The following ACBD5 variants were observed in gnomAD, a reference collection of about 807,000 sequenced individuals.
The protein encoded by ACBD5 is acyl-CoA binding domain containing 5.
A neutral mutation model predicts 71.8 loss-of-function variants in ACBD5; 40 were observed. That is an observed-to-expected ratio of 0.56 (90% confidence interval 0.43 to 0.72). The LOEUF (loss-of-function observed/expected upper bound fraction) is 0.72. ACBD5 is among the 30% of genes least tolerant of loss of function. ACBD5 has a pLI of 0.00. For missense variants in ACBD5, 559 were observed against 644.5 expected, an observed-to-expected ratio of 0.87 and a Z score of 1.44; for synonymous variants, 229 against 218.6, an observed-to-expected ratio of 1.05 and a Z score of -0.42.
upstream of ACBD5, chr10:27,240,839 G>C (rs1381170488): frequency 1.4e-5 from 17 of 1,233,618 alleles, no homozygotes; most frequent in Non-Finnish European, 1.8e-5. This position sits in a 1 kb window ranked among gnomAD's most constrained non-coding sequence, Gnocchi z 4.1. Flanking sequence ...CAGAGTCACC[G>C]GAGGACCCAC....
At chr10:27,239,706 G>A (rs1310007506) in intron 2 of ACBD5, among the ~76,000 whole-genome samples, 1 of 151,836 alleles carries the variant, frequency 6.6e-6, no homozygotes, top group Non-Finnish European at 1.5e-5. Flanking sequence ...GACCCTATGA[G>A]TGTGTGGCAT....
intron 12 of ACBD5, among the ~76,000 whole-genome samples, chr10:27,197,953 T>G (rs2059524404): frequency 6.6e-6 from 1 of 152,342 alleles, no homozygotes; most frequent in African/African-American, 2.4e-5. Context: ...TTTTAATAAA[T>G]AATTTAAATG....
chr10:27,226,187 T>C (rs1047561502), intron 4 of ACBD5, among the ~76,000 whole-genome samples: 2 of 152,182 alleles, frequency 1.3e-5, no homozygotes, highest in East Asian at 3.9e-4. Context: ...AGAGGGTACA[T>C]GTGCAGGTTT....
chr10:27,240,425 A>G lies in ACBD5; in HGVS notation c.75T>C (p.Pro25=), dbSNP rs2138617954. The change falls in exon 2 of 13, where the codon CCT becomes CCC. Residue 25 remains proline (P), a synonymous_variant. Coordinates refer to ENST00000396271, the MANE Select transcript of ACBD5 (RefSeq NM_145698.5). This position sits in a 1 kb window ranked among gnomAD's most constrained non-coding sequence, Gnocchi z 4.1. ...CCCCLIPADR[P]WDRGQHWQLE... ...GCTGCCAGTGTTGGCCCCGGTCCCA[A>G]GGTCTGTCGGCGGGAATCAGGCAGC... 1 of 1,614,054 alleles carries G rather than the reference A, an allele frequency of 6.2e-7. No homozygotes were observed.
At chr10:27,202,669 T>G (rs1191384204) in intron 12 of ACBD5, among the ~76,000 whole-genome samples, 1 of 149,054 alleles carries the variant, frequency 6.7e-6, no homozygotes, top group African/African-American at 2.5e-5. Flanking sequence ...AGCTTTAGAG[T>G]TTTTTTTTTA....
intron 12 of ACBD5, among the ~76,000 whole-genome samples, chr10:27,202,200 T>C (rs1181101207): frequency 6.6e-6 from 1 of 152,168 alleles, no homozygotes; most frequent in African/African-American, 2.4e-5. Context: ...AAAAGATGCC[T>C]AAATCCCCTC....
rs186154689 is a variant in ACBD5 at position 27,208,619 on chromosome 10, C to T, written c.1205-174G>A. ...TTGGGAGGCTGAGACGGGCGGATCA[C>T]CTGAGGTCAGGAGTTCAAGACCAGC... On this transcript the variant is annotated intron_variant, in intron 9 of 12. Coordinates refer to ENST00000396271, the MANE Select transcript of ACBD5 (RefSeq NM_145698.5). 2.7e-3 allele frequency among the ~76,000 whole-genome samples: 413 copies of T among 152,234 alleles called. 2 individuals are homozygous for T. Among genetic ancestry groups the T allele is most frequent in the African/African-American group, 9.4e-3 (390 of 41,542 alleles).
rs111979083 is a variant in ACBD5, at chr10:27,214,783, C to T, written c.936+752G>A. Among the ~76,000 whole-genome samples, 342 of 152,316 alleles carry T rather than the reference C, an allele frequency of 2.2e-3. 2 individuals are homozygous for T. Among genetic ancestry groups the T allele is most frequent in the African/African-American group, 7.9e-3 (329 of 41,562 alleles). On this transcript the variant is annotated intron_variant, in intron 8 of 12. Coordinates refer to ENST00000396271, the MANE Select transcript of ACBD5 (RefSeq NM_145698.5). Reference sequence around the variant, plus strand: ...TATTCAGGCCAGCCTTGGTGGCTCACACCTGTAATCCCGGCATTTTGGGAG... The same window carrying T: ...TATTCAGGCCAGCCTTGGTGGCTCATACCTGTAATCCCGGCATTTTGGGAG...
At chr10:27,200,113 G>C (rs921479622) in intron 12 of ACBD5, among the ~76,000 whole-genome samples, 9 of 152,136 alleles carry the variant, frequency 5.9e-5, no homozygotes, top group Non-Finnish European at 1.2e-4. Context: ...GACCTACTGG[G>C]CTGCATTCTC....
intron 5 of ACBD5, 42 bp downstream of exon 5, chr10:27,223,296 T>C (rs2062591525): frequency 7.3e-7 from 1 of 1,370,256 alleles, no homozygotes; most frequent in Non-Finnish European, 1.0e-6. Flanking sequence ...ATGTGCATAA[T>C]ATATCAGTTG....
At chr10:27,209,981 C>T (rs2060890861) in intron 9 of ACBD5, among the ~76,000 whole-genome samples, 1 of 152,124 alleles carries the variant, frequency 6.6e-6, no homozygotes, top group Non-Finnish European at 1.5e-5. Flanking sequence ...AATACTCGTC[C>T]AAATTTCCCC....
In ACBD5 at chr10:27,240,312, C is replaced by CACGT. The variant is rs1564744735; in HGVS notation, c.181+3_181+6dup. 3.7e-6 allele frequency: 6 copies of CACGT among 1,613,898 alleles called. No individual in the cohort carries two copies. The highest frequency in any genetic ancestry group is 4.2e-6 in the Non-Finnish European group (5 of 1,180,018). On this transcript the variant is annotated splice_region_variant and intron_variant, in intron 2 of 12. Coordinates refer to ENST00000396271, the MANE Select transcript of ACBD5 (RefSeq NM_145698.5). This position sits in a 1 kb window ranked among gnomAD's most constrained non-coding sequence, Gnocchi z 4.1. ...AGGCGTCTACAGCCGGGGCCCAGCG[C>CACGT]ACGTACCATTCTTCGGCAAACTCTG...
upstream of ACBD5, chr10:27,242,017 CG>C (rs1289624199): frequency 6.6e-6 from 3 of 452,668 alleles, no homozygotes; most frequent in East Asian, 2.1e-4. Flanking sequence ...AGGCGCAGAT[CG>C]TAAGTTACTC....
intron 5 of ACBD5, among the ~76,000 whole-genome samples, chr10:27,221,619 A>T (rs1367137151): frequency 2.0e-5 from 3 of 150,380 alleles, no homozygotes; most frequent in East Asian, 3.9e-4. Context: ...AAAACATTTA[A>T]TTTTTTTTTT....
chr10:27,195,539 T>C lies in ACBD5; in HGVS notation c.*1891A>G. Reference sequence around the variant, plus strand: ...TATATACTAAGAGAAAAGACACTTTTTACTGATACCAAATTGATATCTCAT... The same window carrying C: ...TATATACTAAGAGAAAAGACACTTTCTACTGATACCAAATTGATATCTCAT... On this transcript the variant is annotated 3_prime_UTR_variant, in exon 13 of 13. Transcript: ENST00000396271. 1 of 452,686 alleles carries C rather than the reference T, an allele frequency of 2.2e-6. No homozygotes were observed. The highest frequency in any genetic ancestry group is 4.4e-6 in the Non-Finnish European group (1 of 226,406). 28.0% of individuals were successfully genotyped at this position (452,686 alleles called of 1,614,324 possible).
intron 10 of ACBD5, 104 bp downstream of exon 10, chr10:27,208,142 A>G (rs2060664510): frequency 8.1e-7 from 1 of 1,238,634 alleles, no homozygotes; most frequent in Non-Finnish European, 1.2e-6. Context: ...TTTCTAAAAA[A>G]ATCAGTAAAA....
chr10:27,228,582 A>G (rs987811974), intron 4 of ACBD5, among the ~76,000 whole-genome samples: 7 of 151,914 alleles, frequency 4.6e-5, no homozygotes, highest in African/African-American at 1.7e-4. Context: ...GTCTCAAAAA[A>G]AAAAGAATTT....
At chr10:27,225,394 C>T (rs1332052563) in intron 4 of ACBD5, among the ~76,000 whole-genome samples, 2 of 152,166 alleles carry the variant, frequency 1.3e-5, no homozygotes, top group Non-Finnish European at 2.9e-5. Context: ...ACATGCTCAT[C>T]AACACCATTC....
At chr10:27,239,694 T>G (rs777518172) in intron 2 of ACBD5, among the ~76,000 whole-genome samples, 1 of 152,214 alleles carries the variant, frequency 6.6e-6, no homozygotes, top group Non-Finnish European at 1.5e-5. Context: ...CTTAAGCTGG[T>G]AGACCCTATG....
Sources: allele counts gnomAD v4.1 joint callset (sites outside exome capture counted in the v4.1 genomes callset), GRCh38; gene constraint gnomAD v4.1.1; non-coding constraint Gnocchi (gnomAD v3.1); transcripts MANE v1.5; gene names NCBI Gene and HGNC (gene_info 2026-07-23, HGNC 2026-07-21).